ROBO1: variants seen among roughly 807,000 people sequenced by gnomAD.
The protein encoded by ROBO1 is roundabout guidance receptor 1.
In ROBO1, 149 loss-of-function variants were observed where a neutral mutation model predicts 195.9. The observed-to-expected ratio is 0.76, with a 90% CI of 0.67 to 0.87. The LOEUF (loss-of-function observed/expected upper bound fraction) is 0.87. Among genes scored for constraint, ROBO1 ranks in the 40% least tolerant of loss-of-function variants. The pLI, the probability that ROBO1 is intolerant of heterozygous loss-of-function variation, is 0.00. For synonymous variants in ROBO1, 816 were observed against 733.2 expected (o/e 1.11, Z -1.82); for missense variants, 1,933 against 2,068.3 (o/e 0.93, Z 1.27).
At chr3:79,664,108 AGTTT>A in intron 1 of ROBO1, among the ~76,000 whole-genome samples, 1 of 152,032 alleles carries the variant, frequency 6.6e-6, no homozygotes, top group African/African-American at 2.4e-5. Context: ...CCATGTTCTA[AGTTT>A]GTTATAGGTG....
chr3:78,854,236 A>T (rs1300679268), intron 4 of ROBO1, among the ~76,000 whole-genome samples: 2 of 149,100 alleles, frequency 1.3e-5, no homozygotes, highest in Non-Finnish European at 3.0e-5. Context: ...GGTTCCCCTG[A>T]ATACATACAT....
chr3:79,521,649 T>C lies in ROBO1; in HGVS notation c.88+68175A>G, dbSNP rs936843338. Among the ~76,000 whole-genome samples, 16 of 152,188 alleles carry C rather than the reference T, an allele frequency of 1.1e-4. 1 individual carries two copies. The highest frequency in any genetic ancestry group is 8.8e-5 in the Non-Finnish European group (6 of 68,040). ...ATCCCACACAAAAGGTATTCTGAAG[T>C]TGATTTGTAGTGAATACTTATTTAG... On this transcript the variant is annotated intron_variant, in intron 2 of 30. Coordinates refer to ENST00000464233, the MANE Select transcript of ROBO1 (RefSeq NM_002941.4).
chr3:79,557,689 C>T (rs374644717), intron 2 of ROBO1, among the ~76,000 whole-genome samples: 19 of 127,402 alleles, frequency 1.5e-4, no homozygotes, highest in African/African-American at 4.7e-4. Flanking sequence ...CCCGAGATCG[C>T]GCCACTGCAC....
At chr3:79,051,991 TG>T (rs1358907138) in intron 3 of ROBO1, among the ~76,000 whole-genome samples, 11 of 152,108 alleles carry the variant, frequency 7.2e-5, no homozygotes, top group Non-Finnish European at 1.5e-4. Flanking sequence ...AAAACATATG[TG>T]TTTGAACAAT....
chr3:78,823,920 T>C (rs1201189531), intron 4 of ROBO1, among the ~76,000 whole-genome samples: 1 of 151,774 alleles, frequency 6.6e-6, no homozygotes, highest in African/African-American at 2.4e-5. Flanking sequence ...TGAGCATGCA[T>C]GTGTGTGTAC....
intron 4 of ROBO1, among the ~76,000 whole-genome samples, chr3:78,785,742 T>C (rs891209936): frequency 3.3e-5 from 5 of 152,328 alleles, no homozygotes; most frequent in African/African-American, 9.6e-5. Context: ...TACGTTTTCA[T>C]TGTAGTAGAG....
At chr3:78,756,857 C>T (rs768575595) in intron 4 of ROBO1, among the ~76,000 whole-genome samples, 23 of 152,088 alleles carry the variant, frequency 1.5e-4, no homozygotes, top group Non-Finnish European at 2.6e-4. Flanking sequence ...ATGTGAATAA[C>T]AGCTCATATA....
intron 2 of ROBO1, among the ~76,000 whole-genome samples, chr3:79,171,869 T>C (rs1490678385): frequency 6.6e-6 from 1 of 152,148 alleles, no homozygotes; most frequent in Non-Finnish European, 1.5e-5. Flanking sequence ...TTATAAGTTA[T>C]GTTGTACACA....
intron 4 of ROBO1, among the ~76,000 whole-genome samples, chr3:78,862,773 A>G (rs2034930214): frequency 2.0e-5 from 3 of 152,060 alleles, no homozygotes; most frequent in African/African-American, 4.8e-5. Flanking sequence ...TATGATATAA[A>G]CCTCTCAGCA....
At chr3:78,756,229 T>G (rs2082927731) in intron 4 of ROBO1, among the ~76,000 whole-genome samples, 1 of 152,006 alleles carries the variant, frequency 6.6e-6, no homozygotes, top group Non-Finnish European at 1.5e-5. Context: ...CAAAAAACAC[T>G]CAGTTATTTT....
intron 4 of ROBO1, among the ~76,000 whole-genome samples, chr3:78,798,917 G>A (rs2108562773): frequency 6.6e-6 from 1 of 152,292 alleles, no homozygotes; most frequent in African/African-American, 2.4e-5. Context: ...AATAAGCTGG[G>A]AAGAGACATT....
chr3:79,119,026 C>G (rs1439117121), intron 3 of ROBO1, among the ~76,000 whole-genome samples: 1 of 152,126 alleles, frequency 6.6e-6, no homozygotes, highest in East Asian at 1.9e-4. Flanking sequence ...ATGTTCAGCT[C>G]CCAAGTTTTC....
At chr3:79,142,854 A>G (rs1027897116) in intron 2 of ROBO1, among the ~76,000 whole-genome samples, 9 of 152,154 alleles carry the variant, frequency 5.9e-5, no homozygotes, top group Admixed American at 5.9e-4. Context: ...CAGAATTATG[A>G]TAACTATGTA....
chr3:79,124,494 G>GT (rs2080178802), intron 3 of ROBO1, among the ~76,000 whole-genome samples: 1 of 152,082 alleles, frequency 6.6e-6, no homozygotes, highest in African/African-American at 2.4e-5. Flanking sequence ...ATTGAATTAT[G>GT]TTTTTCTTTT....
At chr3:79,174,912 A>AT (rs1473487939) in intron 2 of ROBO1, among the ~76,000 whole-genome samples, 1 of 151,980 alleles carries the variant, frequency 6.6e-6, no homozygotes, top group Non-Finnish European at 1.5e-5. Context: ...TTTATGCAGA[A>AT]TTTTTTAATT....
At chr3:79,175,217 G>T (rs933040822) in intron 2 of ROBO1, among the ~76,000 whole-genome samples, 1 of 152,074 alleles carries the variant, frequency 6.6e-6, no homozygotes, top group Non-Finnish European at 1.5e-5. Flanking sequence ...AATAAAATTA[G>T]TATAGCATTT....
intron 2 of ROBO1, among the ~76,000 whole-genome samples, chr3:79,424,151 TATACTC>T (rs1235941401): frequency 6.6e-6 from 1 of 152,112 alleles, no homozygotes; most frequent in African/African-American, 2.4e-5. Flanking sequence ...ATTATTTACT[TATACTC>T]TAAGCAACTA....
chr3:79,664,020 C>G (rs1229432515), intron 1 of ROBO1, among the ~76,000 whole-genome samples: 1 of 152,046 alleles, frequency 6.6e-6, no homozygotes, highest in Non-Finnish European at 1.5e-5. Context: ...TTTTAATATA[C>G]AATTCTGAAT....
At chr3:79,749,396 A>G (rs978463258) in intron 1 of ROBO1, among the ~76,000 whole-genome samples, 1 of 152,218 alleles carries the variant, frequency 6.6e-6, no homozygotes, top group African/African-American at 2.4e-5. Flanking sequence ...AGAAAATAAA[A>G]TCCCAATTTT....
Sources: allele counts gnomAD v4.1 joint callset (sites outside exome capture counted in the v4.1 genomes callset), GRCh38; gene constraint gnomAD v4.1.1; transcripts MANE v1.5; gene names NCBI Gene and HGNC (gene_info 2026-07-23, HGNC 2026-07-21).